The following ANK3 variants were observed in gnomAD, a reference collection of about 807,000 sequenced individuals.
ANK3 encodes the protein ankyrin-3.
In ANK3, 57 loss-of-function variants were observed where a neutral mutation model predicts 370.9. That is an observed-to-expected ratio of 0.15 (90% CI 0.12 to 0.19). The LOEUF (loss-of-function observed/expected upper bound fraction) is 0.19, where lower values mean the gene tolerates loss of function less well. Ranked by LOEUF, ANK3 falls within the 10% of genes least tolerant of loss-of-function variation. The pLI is 1.00. For synonymous variants in ANK3, 1,929 were observed against 1,946.3 expected (o/e 0.99, Z 0.23); for missense variants, 4,439 against 5,302.1 (o/e 0.84, Z 5.06).
intron 7 of ANK3, among the ~76,000 whole-genome samples, chr10:60,235,034 G>A (rs2097307056): frequency 6.6e-6 from 1 of 152,170 alleles, no homozygotes; most frequent in Non-Finnish European, 1.5e-5. Flanking sequence ...GGTGACTGAT[G>A]GATGAAGTGA....
At chr10:60,689,187 C>T (rs1212086074) in intron 1 of ANK3, among the ~76,000 whole-genome samples, 1 of 152,034 alleles carries the variant, frequency 6.6e-6, no homozygotes, top group East Asian at 1.9e-4. Flanking sequence ...AGTGCTTGAC[C>T]CCAGGAGTTT....
At chr10:60,423,960 G>A in intron 2 of ANK3, among the ~76,000 whole-genome samples, 1 of 151,994 alleles carries the variant, frequency 6.6e-6, no homozygotes, top group East Asian at 1.9e-4. Flanking sequence ...ATTCACATAA[G>A]CGTTTTAATA....
In ANK3 at chr10:60,029,221, C is replaced by T. The variant is rs953933914; in HGVS notation, c.*625G>A. 2 of 152,384 alleles carry T rather than the reference C, an allele frequency of 1.3e-5. No homozygotes were observed. The highest frequency in any genetic ancestry group is 2.9e-5 in the Non-Finnish European group (2 of 68,004). 9.4% of individuals were successfully genotyped at this position (152,384 alleles called of 1,614,324 possible). A position where few individuals can be genotyped will look rare whatever the true frequency, so the allele number is the denominator to read the frequency against. On this transcript the variant is annotated 3_prime_UTR_variant, in exon 44 of 44. Transcript: ENST00000280772. ...TCACCCCCACCCAGAATCCCTCCCTCCTCTTCTAGGGTGAAGTCACTTGAG... is the reference window on the plus strand; with the variant it reads ...TCACCCCCACCCAGAATCCCTCCCTTCTCTTCTAGGGTGAAGTCACTTGAG...
At chr10:60,135,883 CT>C (rs2094320448) in intron 24 of ANK3, among the ~76,000 whole-genome samples, 1 of 152,132 alleles carries the variant, frequency 6.6e-6, no homozygotes, top group Admixed American at 6.6e-5. Context: ...GGATTGGAGC[CT>C]TCACTTTTAT....
rs536304895 is a variant in ANK3, at chr10:60,684,886, C to T, written c.57+48377G>A. On this transcript the variant is annotated intron_variant, in intron 1 of 43. Transcript: ENST00000373827. ...TAGGTTATCAGAAAATCAAGGAGTC[C>T]CTGTACTTACAGTTGCTAATAAACA... 22 of 1,490,176 alleles carry T rather than the reference C, an allele frequency of 1.5e-5. No individual in the cohort carries two copies. The African/African-American group carries it at 3.1e-4, about 21-fold the overall frequency. 92.3% of individuals were successfully genotyped at this position (1,490,176 alleles called of 1,614,324 possible). A position where few individuals can be genotyped will look rare whatever the true frequency, so the allele number is the denominator to read the frequency against.
intron 42 of ANK3, among the ~76,000 whole-genome samples, chr10:60,047,039 C>T (rs149732925): frequency 0.011 from 1,659 of 152,246 alleles, 19 homozygotes; most frequent in Non-Finnish European, 0.017. Flanking sequence ...GATCTCCTGA[C>T]CTCGTGATCC....
intron 1 of ANK3, among the ~76,000 whole-genome samples, chr10:60,294,935 C>G (rs531793481): frequency 6.6e-6 from 1 of 152,078 alleles, no homozygotes; most frequent in East Asian, 1.9e-4. Context: ...TAAGGAAGGA[C>G]GTTATTTTCT....
intron 42 of ANK3, among the ~76,000 whole-genome samples, chr10:60,046,998 G>A (rs2077078369): frequency 2.6e-5 from 4 of 151,922 alleles, no homozygotes; most frequent in Admixed American, 6.6e-5. Flanking sequence ...TAGGAGAGAC[G>A]GGGTTTCACC....
intron 2 of ANK3, among the ~76,000 whole-genome samples, chr10:60,494,956 C>G (rs1029750423): frequency 6.6e-6 from 1 of 152,196 alleles, no homozygotes; most frequent in Non-Finnish European, 1.5e-5. Context: ...CAAGGCTAGA[C>G]AACTCTAGCT....
chr10:60,570,672 G>GTAC (rs777304809), intron 2 of ANK3, among the ~76,000 whole-genome samples: 16 of 152,154 alleles, frequency 1.1e-4, no homozygotes, highest in Non-Finnish European at 2.1e-4. Flanking sequence ...AGTTTAGAAG[G>GTAC]TACTAGACAG....
chr10:60,294,142 T>G (rs1333298114), intron 1 of ANK3, among the ~76,000 whole-genome samples: 1 of 151,880 alleles, frequency 6.6e-6, no homozygotes, highest in Non-Finnish European at 1.5e-5. Flanking sequence ...TTTGAATAGA[T>G]GAACATTTTC....
intron 2 of ANK3, among the ~76,000 whole-genome samples, chr10:60,599,262 T>G (rs1284600818): frequency 1.3e-5 from 2 of 152,234 alleles, no homozygotes; most frequent in East Asian, 3.9e-4. Flanking sequence ...ACTCATCAGA[T>G]GGTAAAAATT....
intron 23 of ANK3, chr10:60,140,713 T>C (rs1457478612): frequency 8.3e-7 from 1 of 1,203,510 alleles, no homozygotes; most frequent in Non-Finnish European, 1.0e-6. Context: ...GGCAAGCCTC[T>C]AGCAGGACAG....
At chr10:60,511,026 T>A (rs2076066898) in intron 2 of ANK3, among the ~76,000 whole-genome samples, 1 of 152,050 alleles carries the variant, frequency 6.6e-6, no homozygotes, top group African/African-American at 2.4e-5. Context: ...AACATTTTTT[T>A]AAGGAGAAAA....
chr10:60,485,818 G>A (rs2075333438), intron 2 of ANK3, among the ~76,000 whole-genome samples: 2 of 152,142 alleles, frequency 1.3e-5, no homozygotes, highest in South Asian at 2.1e-4. Flanking sequence ...TGGGCACATT[G>A]AGAACATTCT....
chr10:60,485,030 AC>A (rs973629435), intron 2 of ANK3, among the ~76,000 whole-genome samples: 4 of 152,224 alleles, frequency 2.6e-5, no homozygotes, highest in Admixed American at 2.6e-4. Context: ...ATAATAAAGT[AC>A]CACTAATCTC....
Position 60,466,183 on chromosome 10 carries a change from C to G in ANK3, c.96+149003G>C, listed in dbSNP as rs1040851764. Among the ~76,000 whole-genome samples, 3 of 152,224 alleles carry G rather than the reference C, an allele frequency of 2.0e-5. No individual in the cohort carries two copies. In the South Asian group the frequency reaches 6.2e-4, roughly 32 times the overall value. On this transcript the variant is annotated intron_variant, in intron 2 of 43. Transcript: ENST00000373827. ...ATCACTGAACTGGTTTAAGTAGGGC[C>G]TTTGATAAAGAGGGCATAATTGTCT... is the stretch of plus-strand genomic sequence containing the variant.
In ANK3 at chr10:60,173,069, A is replaced by G. The variant is rs1191953802; in HGVS notation, c.2283+19T>C. ...AAAAATAAATGATTCTGGCAGAAAC[A>G]AAAAAGGAAGGAGCTTACCTTTGTT... On this transcript the variant is annotated intron_variant, in intron 19 of 43. Coordinates refer to ENST00000280772, the MANE Select transcript of ANK3 (RefSeq NM_020987.5). 6.2e-7 allele frequency: 1 copy of G among 1,610,836 alleles called. No homozygotes were observed. Among genetic ancestry groups the G allele is most frequent in the Non-Finnish European group, 8.5e-7 (1 of 1,178,334 alleles).
In ANK3 at chr10:60,198,509, G is replaced by C. The variant is rs1369136173; in HGVS notation, c.1520C>G (p.Ala507Gly). The C allele has an allele frequency of 6.2e-7, 1 of 1,614,176 alleles. No individual in the cohort carries two copies. Among genetic ancestry groups the C allele is most frequent in the Admixed American group, 1.7e-5 (1 of 60,028 alleles). ...TACTATGTCTGCTTTCCCCAGTCGG[G>C]CTGAAATGTGGAGTGGTGTTTGGTC... ...KDDQTPLHIS[A>G]RLGKADIVQQ... is the part of the protein sequence containing the mutation. Residue 507 changes from alanine (A) to glycine (G), a missense_variant, in exon 14 of 44, where the codon GCC becomes GGC. Transcript: ENST00000280772.
Sources: gnomAD v4.1 joint callset for allele counts (sites outside exome capture counted in the v4.1 genomes callset) on GRCh38, gnomAD v4.1.1 for gene constraint, MANE v1.5 for transcripts, NCBI Gene and HGNC (gene_info 2026-07-23, HGNC 2026-07-21) for gene names.